The following GPC3 variants were observed in gnomAD, a reference collection of about 807,000 sequenced individuals.
GPC3 encodes glypican-3.
GPC3 carries 3 observed loss-of-function variants against 34.4 expected under a neutral mutation model. The ratio of observed to expected loss-of-function variants is 0.09; its 90% confidence interval spans 0.04 to 0.23. The LOEUF (loss-of-function observed/expected upper bound fraction) is 0.23. Among genes scored for constraint, GPC3 ranks in the 10% least tolerant of loss-of-function variants. The pLI, the probability that GPC3 is intolerant of heterozygous loss-of-function variation, is 1.00. For synonymous variants in GPC3, 177 were observed against 174.0 expected, an observed-to-expected ratio of 1.02 and a Z score of -0.13; for missense variants, 351 against 445.6, an observed-to-expected ratio of 0.79 and a Z score of 1.91.
chrX:133,753,073 TC>T (rs2071682240), intron 3 of GPC3, among the ~76,000 whole-genome samples: 2 of 112,088 alleles, frequency 1.8e-5, no homozygotes, highest in African/African-American at 3.2e-5. Flanking sequence ...AGGCTTGTCA[TC>T]TATTGTGTAT....
At chrX:133,665,425 C>T (rs760057847) in intron 5 of GPC3, among the ~76,000 whole-genome samples, 14 of 111,577 alleles carry the variant, frequency 1.3e-4, no homozygotes, top group Non-Finnish European at 2.3e-4. Flanking sequence ...TAGATGTCCC[C>T]GTCCATGATA....
intron 2 of GPC3, among the ~76,000 whole-genome samples, chrX:133,758,910 C>T (rs2071757156): frequency 9.0e-6 from 1 of 110,840 alleles, no homozygotes; most frequent in South Asian, 3.8e-4. Flanking sequence ...TGATAAAGAA[C>T]GTCCACAAAA....
At chrX:133,668,826 C>T (rs1223746221) in intron 5 of GPC3, among the ~76,000 whole-genome samples, 2 of 111,640 alleles carry the variant, frequency 1.8e-5, no homozygotes, top group African/African-American at 6.5e-5. Context: ...CCATCTCCAG[C>T]TGTGTGGGTT....
chrX:133,896,338 G>T (rs1216864390), intron 2 of GPC3, among the ~76,000 whole-genome samples: 3 of 103,852 alleles, frequency 2.9e-5, no homozygotes, highest in Non-Finnish European at 5.9e-5. Context: ...TCCAGCCTAG[G>T]CAACAGAGTG....
At chrX:133,963,913 C>T (rs1339352160) in intron 1 of GPC3, among the ~76,000 whole-genome samples, 2 of 111,389 alleles carry the variant, frequency 1.8e-5, no homozygotes, top group African/African-American at 6.5e-5. Flanking sequence ...TCTCTTGAGG[C>T]ATTCAGGCAT....
At chrX:133,609,556 T>C (rs2070087257) in intron 6 of GPC3, among the ~76,000 whole-genome samples, 1 of 112,522 alleles carries the variant, frequency 8.9e-6, no homozygotes, top group Non-Finnish European at 1.9e-5. Context: ...CATTCGCAAT[T>C]TGAATATATT....
intron 2 of GPC3, among the ~76,000 whole-genome samples, chrX:133,934,179 A>C (rs1442999122): frequency 9.4e-6 from 1 of 105,990 alleles, no homozygotes; most frequent in Non-Finnish European, 1.9e-5. Flanking sequence ...CTCCTTTATA[A>C]ATTTTATTTT....
intron 1 of GPC3, among the ~76,000 whole-genome samples, chrX:133,963,257 A>C (rs1340053102): frequency 8.9e-6 from 1 of 111,911 alleles, no homozygotes; most frequent in Non-Finnish European, 1.9e-5. Context: ...AATGGCAGAT[A>C]TCCTCCTGAT....
intron 2 of GPC3, among the ~76,000 whole-genome samples, chrX:133,916,235 A>G (rs1254264331): frequency 9.0e-6 from 1 of 111,073 alleles, no homozygotes; most frequent in East Asian, 2.8e-4. Flanking sequence ...TGGCATCCAC[A>G]TAATAATACG....
At chrX:133,864,918 A>G (rs771895858) in intron 2 of GPC3, among the ~76,000 whole-genome samples, 50 of 112,765 alleles carry the variant, frequency 4.4e-4, no homozygotes, top group Admixed American at 1.6e-3. Context: ...TTTTACACAG[A>G]TTACAAACTT....
At chrX:133,843,674 G>C (rs1274344844) in intron 2 of GPC3, among the ~76,000 whole-genome samples, 1 of 111,248 alleles carries the variant, frequency 9.0e-6, no homozygotes, top group Non-Finnish European at 1.9e-5. Context: ...GAGACCATGA[G>C]AGATAATAAA....
At chrX:133,573,070 G>A (rs2069647137) in intron 7 of GPC3, among the ~76,000 whole-genome samples, 1 of 111,214 alleles carries the variant, frequency 9.0e-6, no homozygotes, top group African/African-American at 3.3e-5. Context: ...GACCAAGCGG[G>A]ATTTATCCCA....
chrX:133,754,139 G>A lies in GPC3; in HGVS notation c.375C>T (p.Tyr125=), dbSNP rs767212798. The A allele has an allele frequency of 8.4e-7, 1 of 1,195,592 alleles. No individual in the cohort carries two copies. Among genetic ancestry groups the A allele is most frequent in the Non-Finnish European group, 1.1e-6 (1 of 884,384 alleles). The change falls in exon 3 of 8, where the codon TAC becomes TAT. Residue 125 remains tyrosine (Y), a synonymous_variant. Transcript: ENST00000370818. The part of the protein sequence containing the change: ...FEIVVRHAKN[Y]TNAMFKNNYP... ...AGTTGTTCTTGAACATGGCATTGGT[G>A]TAGTTCTTGGCATGGCGAACAACAA...
At chrX:133,621,551 C>T (rs1346025583) in intron 6 of GPC3, among the ~76,000 whole-genome samples, 2 of 112,270 alleles carry the variant, frequency 1.8e-5, no homozygotes, top group Non-Finnish European at 3.8e-5. Flanking sequence ...GCCTTGCTCA[C>T]TGCTAGCACA....
intron 3 of GPC3, among the ~76,000 whole-genome samples, chrX:133,739,987 C>T (rs571974474): frequency 1.9e-4 from 21 of 112,400 alleles, no homozygotes; most frequent in Admixed American, 1.6e-3. Context: ...CCTTGCAATG[C>T]CAAGCCGATC....
At chrX:133,672,361 G>A (rs1328960683) in intron 5 of GPC3, among the ~76,000 whole-genome samples, 5 of 112,048 alleles carry the variant, frequency 4.5e-5, no homozygotes, top group Non-Finnish European at 9.4e-5. Flanking sequence ...TAAACATGGC[G>A]GTCAGGACAC....
intron 7 of GPC3, among the ~76,000 whole-genome samples, chrX:133,584,998 A>G (rs1465802412): frequency 9.0e-6 from 1 of 111,072 alleles, no homozygotes; most frequent in African/African-American, 3.3e-5. Context: ...CTCAGCAAGT[A>G]TATTTGGAAA....
At chrX:133,634,725 G>T (rs1265093893) in intron 6 of GPC3, among the ~76,000 whole-genome samples, 1 of 111,937 alleles carries the variant, frequency 8.9e-6, no homozygotes, top group Non-Finnish European at 1.9e-5. Flanking sequence ...AACTTGTTGG[G>T]GTGATGGAAA....
chrX:133,690,676 A>G (rs1392071484), intron 5 of GPC3, among the ~76,000 whole-genome samples: 1 of 111,556 alleles, frequency 9.0e-6, no homozygotes, highest in Non-Finnish European at 1.9e-5. Flanking sequence ...CTCAAAACAT[A>G]AATGTTGAAG....
Sources: allele counts gnomAD v4.1 joint callset (sites outside exome capture counted in the v4.1 genomes callset), GRCh38; gene constraint gnomAD v4.1.1; transcripts MANE v1.5; gene names NCBI Gene and HGNC (gene_info 2026-07-23, HGNC 2026-07-21).